FILIP1L: variants seen among roughly 807,000 people sequenced by gnomAD.
FILIP1L encodes filamin A-interacting protein 1-like.
A neutral mutation model predicts 96.6 loss-of-function variants in FILIP1L; 55 were observed. The observed-to-expected ratio is 0.57, with a 90% CI of 0.46 to 0.71. FILIP1L has a LOEUF of 0.71. Ranked by LOEUF, FILIP1L falls within the 30% of genes least tolerant of loss-of-function variation. FILIP1L has a pLI of 0.00. For missense variants in FILIP1L, 1,304 were observed against 1,321.2 expected (o/e 0.99, Z 0.20); for synonymous variants, 467 against 473.9 (o/e 0.99, Z 0.19).
intron 1 of FILIP1L, among the ~76,000 whole-genome samples, chr3:100,060,857 G>A (rs1486545034): frequency 6.6e-6 from 1 of 152,054 alleles, no homozygotes; most frequent in African/African-American, 2.4e-5. Context: ...GCCAGATCTT[G>A]TCTCGAAAAA....
rs140949246 is a variant in FILIP1L, at chr3:100,055,208, G to A, written c.-11+58845C>T. 4.6e-3 allele frequency among the ~76,000 whole-genome samples: 707 copies of A among 152,268 alleles called. 2 individuals carry two copies. Among genetic ancestry groups the A allele is most frequent in the South Asian group, 7.1e-3 (34 of 4,816 alleles). Reference sequence around the variant, plus strand: ...TACTCTTATCAATTTCTTCGTGTATGCATAGGATTTCCAGTACAAGAGTAT... The same window carrying A: ...TACTCTTATCAATTTCTTCGTGTATACATAGGATTTCCAGTACAAGAGTAT... On this transcript the variant is annotated intron_variant, in intron 1 of 5. Coordinates refer to ENST00000477258, the MANE Select transcript of FILIP1L (RefSeq NM_001387850.1).
intron 4 of FILIP1L, among the ~76,000 whole-genome samples, chr3:99,862,218 A>T (rs793442): frequency 0.71 from 107,859 of 152,026 alleles, 38,607 homozygotes; most frequent in East Asian, 0.81. Context: ...TCATTTAAAA[A>T]ATCAAATCAA....
Position 100,110,787 on chromosome 3 carries a change from T to C in FILIP1L, c.-11+3266A>G, listed in dbSNP as rs557703425. ...ATTTTTCCTCTTACCCATGATAAAC[T>C]GCTTCTTCACAACAGCCTACTTATG... On this transcript the variant is annotated intron_variant, in intron 1 of 5. Transcript: ENST00000477258. Among the ~76,000 whole-genome samples, 35 of 152,290 alleles carry C rather than the reference T, an allele frequency of 2.3e-4. No homozygotes were observed. The South Asian group carries it at 6.6e-3, about 29-fold the overall frequency.
At chr3:99,835,073 ACTT>A (rs1375635468) in intron 5 of FILIP1L, among the ~76,000 whole-genome samples, 6 of 152,040 alleles carry the variant, frequency 3.9e-5, no homozygotes, top group Non-Finnish European at 2.9e-5. Flanking sequence ...CATAATCCTA[ACTT>A]CTTTGATTGT....
intron 4 of FILIP1L, among the ~76,000 whole-genome samples, chr3:99,879,311 T>A (rs778155858): frequency 2.0e-5 from 3 of 152,234 alleles, no homozygotes; most frequent in Non-Finnish European, 4.4e-5. Flanking sequence ...CAAAGACAGC[T>A]TAATATCACC....
chr3:99,879,801 G>A (rs1034926422), intron 4 of FILIP1L, among the ~76,000 whole-genome samples: 22 of 152,144 alleles, frequency 1.4e-4, no homozygotes, highest in African/African-American at 5.1e-4. Context: ...AAGAAAAACA[G>A]CAAGACCTGT....
At chr3:99,931,676 G>A (rs1707487776) in intron 1 of FILIP1L, among the ~76,000 whole-genome samples, 1 of 152,046 alleles carries the variant, frequency 6.6e-6, no homozygotes. Flanking sequence ...TCTATCCTTG[G>A]GTAAGTCAAG....
intron 1 of FILIP1L, among the ~76,000 whole-genome samples, chr3:100,081,103 C>G (rs1036810272): frequency 6.6e-6 from 1 of 152,162 alleles, no homozygotes; most frequent in African/African-American, 2.4e-5. Context: ...ATATTTCTAG[C>G]CCCCTTATTT....
At chr3:99,996,193 T>C (rs958450602) in intron 1 of FILIP1L, among the ~76,000 whole-genome samples, 5 of 152,126 alleles carry the variant, frequency 3.3e-5, no homozygotes, top group African/African-American at 1.2e-4. Context: ...TTCCACCAGA[T>C]ACCCTAAATC....
intron 4 of FILIP1L, chr3:99,876,298 C>T (rs1485557154): frequency 3.9e-6 from 3 of 774,288 alleles, no homozygotes; most frequent in Non-Finnish European, 3.1e-6. Flanking sequence ...GCCGCGGCGG[C>T]GGCGCAGCCA....
chr3:99,908,482 T>C (rs558428152), intron 4 of FILIP1L, among the ~76,000 whole-genome samples: 1 of 152,328 alleles, frequency 6.6e-6, no homozygotes, highest in Non-Finnish European at 1.5e-5. Flanking sequence ...ATCTATACTT[T>C]TAAGTGTCTC....
intron 5 of FILIP1L, chr3:99,833,248 A>G: frequency 1.9e-6 from 3 of 1,612,482 alleles, no homozygotes; most frequent in Non-Finnish European, 2.5e-6. Flanking sequence ...ATGAGGCAGA[A>G]GAAGTGGTTC....
intron 1 of FILIP1L, among the ~76,000 whole-genome samples, chr3:100,096,503 C>T (rs1433887696): frequency 6.6e-6 from 1 of 151,940 alleles, no homozygotes; most frequent in Non-Finnish European, 1.5e-5. Context: ...GTGAAATAAG[C>T]CACGCACAAA....
intron 1 of FILIP1L, among the ~76,000 whole-genome samples, chr3:100,067,166 C>CTGTTT (rs10662415): frequency 2.7e-5 from 4 of 150,866 alleles, no homozygotes; most frequent in Non-Finnish European, 1.5e-5. Flanking sequence ...TTTTTGATCT[C>CTGTTT]GTTTGTTTGT....
intron 1 of FILIP1L, among the ~76,000 whole-genome samples, chr3:100,042,671 T>C (rs531254024): frequency 7.9e-5 from 12 of 152,232 alleles, no homozygotes; most frequent in Non-Finnish European, 1.3e-4. Context: ...TTGCCTTTTA[T>C]GGAGAACATG....
chr3:99,945,048 A>C (rs1476741531), intron 1 of FILIP1L, among the ~76,000 whole-genome samples: 1 of 152,194 alleles, frequency 6.6e-6, no homozygotes, highest in African/African-American at 2.4e-5. Context: ...GCTTAAGTCA[A>C]AAATCATCAA....
intron 1 of FILIP1L, among the ~76,000 whole-genome samples, chr3:100,101,781 C>T (rs1348525191): frequency 1.3e-5 from 2 of 152,120 alleles, no homozygotes; most frequent in Non-Finnish European, 2.9e-5. Flanking sequence ...TCCCCTCACC[C>T]CACAACAGGC....
At position 100,085,331 on chromosome 3, in the gene FILIP1L, C is replaced by T. The variant is rs954307371; in HGVS notation, c.-11+28722G>A. Among the ~76,000 whole-genome samples the T allele has an allele frequency of 3.9e-5, 6 of 152,124 alleles. No homozygotes were observed. In the East Asian group the frequency reaches 9.6e-4, roughly 24 times the overall value. On this transcript the variant is annotated intron_variant, in intron 1 of 5. Transcript: ENST00000477258. ...AGAGGACTGATGTTTTATATCTTCC[C>T]TTCTCCTTAAGGAATTCATTTCTTT...
intron 4 of FILIP1L, among the ~76,000 whole-genome samples, chr3:99,888,165 G>A (rs576996328): frequency 1.1e-4 from 17 of 152,240 alleles, no homozygotes; most frequent in Middle Eastern, 3.4e-3. Context: ...GGTCTATGAA[G>A]TTGTAATTAA....
Sources: gnomAD v4.1 joint callset for allele counts (sites outside exome capture counted in the v4.1 genomes callset) on GRCh38, gnomAD v4.1.1 for gene constraint, MANE v1.5 for transcripts, NCBI Gene and HGNC (gene_info 2026-07-23, HGNC 2026-07-21) for gene names.